Variants in TRAPPC12 observed in about 807,000 individuals in gnomAD.
TRAPPC12 encodes trafficking protein particle complex subunit 12.
A neutral mutation model predicts 69.2 loss-of-function variants in TRAPPC12; 61 were observed. The observed-to-expected ratio is 0.88, with a 90% CI of 0.72 to 1.09. TRAPPC12 has a LOEUF of 1.09. TRAPPC12 is among the 50% of genes least tolerant of loss of function. The probability of loss-of-function intolerance (pLI) is 0.00; values close to 1 mark genes in which losing one functional copy is unlikely to be tolerated. For missense variants in TRAPPC12, 1,101 were observed against 1,016.4 expected (o/e 1.08, Z -1.13); for synonymous variants, 469 against 438.9 (o/e 1.07, Z -0.86).
At chr2:3,413,595 A>G (rs1425252424) in intron 3 of TRAPPC12, among the ~76,000 whole-genome samples, 1 of 152,228 alleles carries the variant, frequency 6.6e-6, no homozygotes, top group African/African-American at 2.4e-5. Flanking sequence ...TTGAGGATAT[A>G]AGAAAGTTTT....
At chr2:3,435,072 G>T (rs1357552693) in intron 5 of TRAPPC12, among the ~76,000 whole-genome samples, 1 of 152,190 alleles carries the variant, frequency 6.6e-6, no homozygotes, top group East Asian at 1.9e-4. Flanking sequence ...GAGTGCAGTG[G>T]TGCGATCTCG....
chr2:3,382,857 C>T lies in TRAPPC12; in HGVS notation c.-5+2981C>T, dbSNP rs113417330. Among the ~76,000 whole-genome samples the T allele has an allele frequency of 5.9e-3, 902 of 152,266 alleles. 11 individuals are homozygous for T. Among genetic ancestry groups the T allele is most frequent in the African/African-American group, 0.021 (854 of 41,554 alleles). On this transcript the variant is annotated intron_variant, in intron 1 of 11. Coordinates refer to ENST00000324266, the MANE Select transcript of TRAPPC12 (RefSeq NM_016030.6). The stretch of plus-strand genomic sequence containing the variant: ...GAGGATGGGCTTGAGCCCAGAAGAT[C>T]GAGGCTGCAGTAAGCCATCATCGTC...
At chr2:3,443,711 A>G (rs1229923148) in intron 5 of TRAPPC12, 68 bp from the exon 6 acceptor site, 5 of 1,242,832 alleles carry the variant, frequency 4.0e-6, no homozygotes, top group Middle Eastern at 1.9e-4. Context: ...GCCTCCTTCA[A>G]GTGTGCCAAG....
chr2:3,415,013 C>G (rs565453307), intron 3 of TRAPPC12, among the ~76,000 whole-genome samples: 2 of 152,164 alleles, frequency 1.3e-5, no homozygotes, highest in Admixed American at 1.3e-4. Context: ...GAGGACCAAC[C>G]AAGGACTTGA....
rs1558340503 is a variant in TRAPPC12, at chr2:3,388,626, A to G, written c.1003A>G (p.Lys335Glu). The change falls in exon 2 of 12, where the codon AAG becomes GAG. Residue 335 changes from lysine to glutamate, a missense_variant. Physicochemically the swap from Lys to Glu is moderately conservative, Grantham distance 56 (BLOSUM62 1). Transcript: ENST00000324266. ...TQQRGAVFVD[K>E]ENLTMPGLRF... ...GCAGCGCGGCGCCGTGTTCGTGGAC[A>G]AGGAGAACCTCACCATGCCGGGCCT... The G allele has an allele frequency of 1.3e-6, 2 of 1,591,902 alleles. No homozygotes were observed. Among genetic ancestry groups the G allele is most frequent in the East Asian group, 2.3e-5 (1 of 43,752 alleles).
chr2:3,467,063 G>C (rs1483954232), intron 9 of TRAPPC12, among the ~76,000 whole-genome samples: 1 of 152,230 alleles, frequency 6.6e-6, no homozygotes, highest in Non-Finnish European at 1.5e-5. Flanking sequence ...TCTCCTTCCA[G>C]GGGGAGCCAC....
At chr2:3,421,599 C>G in intron 3 of TRAPPC12, 1 of 646,046 alleles carries the variant, frequency 1.5e-6, no homozygotes, top group Non-Finnish European at 3.0e-6. Flanking sequence ...AAAGCCTCTT[C>G]CCGATGTTCT....
intron 6 of TRAPPC12, among the ~76,000 whole-genome samples, chr2:3,452,928 A>C (rs1396570353): frequency 6.6e-6 from 1 of 152,234 alleles, no homozygotes; most frequent in Non-Finnish European, 1.5e-5. Flanking sequence ...CTTCAAGTAC[A>C]TTCTCATTGG....
chr2:3,383,979 T>C (rs1178384729), intron 1 of TRAPPC12, among the ~76,000 whole-genome samples: 1 of 139,772 alleles, frequency 7.2e-6, no homozygotes, highest in African/African-American at 2.6e-5. Context: ...CACTGCAACC[T>C]CCGCCTCCTG....
chr2:3,455,453 ATTTG>A (rs1196231076), intron 6 of TRAPPC12: 5 of 107,996 alleles, frequency 4.6e-5, no homozygotes, highest in Non-Finnish European at 9.9e-5. Flanking sequence ...ACTAGGTCTT[ATTTG>A]TTCTATTTTT....
At chr2:3,413,009 G>T (rs1662148175) in intron 3 of TRAPPC12, among the ~76,000 whole-genome samples, 1 of 152,162 alleles carries the variant, frequency 6.6e-6, no homozygotes, top group African/African-American at 2.4e-5. Context: ...AAAATAAATG[G>T]TGGTCTTTGC....
At chr2:3,413,905 G>A (rs1053758697) in intron 3 of TRAPPC12, among the ~76,000 whole-genome samples, 2 of 152,104 alleles carry the variant, frequency 1.3e-5, no homozygotes, top group Non-Finnish European at 2.9e-5. Flanking sequence ...GTTAGCTTAC[G>A]ATAGTACCCA....
At chr2:3,455,385 CTTAG>C (rs979882535) in intron 6 of TRAPPC12, 1 of 152,130 alleles carries the variant, frequency 6.6e-6, no homozygotes. Flanking sequence ...ATTATGCTCC[CTTAG>C]TTATTTTTTT....
At chr2:3,428,478 T>C (rs759202555) in intron 5 of TRAPPC12, among the ~76,000 whole-genome samples, 5 of 152,348 alleles carry the variant, frequency 3.3e-5, no homozygotes, top group African/African-American at 7.2e-5. Context: ...ATAAAAACTT[T>C]TATGAATGAG....
At chr2:3,385,963 A>G (rs1660470988) in intron 1 of TRAPPC12, among the ~76,000 whole-genome samples, 1 of 152,260 alleles carries the variant, frequency 6.6e-6, no homozygotes, top group South Asian at 2.1e-4. Context: ...CCGGTGAAAC[A>G]TGGCAGGAAA....
chr2:3,469,910 A>G (rs1309610112), intron 9 of TRAPPC12, among the ~76,000 whole-genome samples: 1 of 152,206 alleles, frequency 6.6e-6, no homozygotes, highest in African/African-American at 2.4e-5. Context: ...CGCGTGGAAT[A>G]AGATTGATTT....
At chr2:3,453,187 G>T (rs1456177975) in intron 6 of TRAPPC12, among the ~76,000 whole-genome samples, 2 of 152,178 alleles carry the variant, frequency 1.3e-5, no homozygotes, top group African/African-American at 4.8e-5. Flanking sequence ...ACAGAATACT[G>T]TTTGTGCTTA....
At chr2:3,464,917 C>T (rs545438204) in intron 8 of TRAPPC12, among the ~76,000 whole-genome samples, 9 of 152,338 alleles carry the variant, frequency 5.9e-5, no homozygotes, top group Non-Finnish European at 8.8e-5. Context: ...CAGGGCAGAG[C>T]GATGAGGAAT....
At chr2:3,462,213 C>G (rs7589690) in intron 8 of TRAPPC12, among the ~76,000 whole-genome samples, 4,079 of 152,304 alleles carry the variant, frequency 0.027, 172 homozygotes, top group African/African-American at 0.092. Flanking sequence ...CTTTGTGGCA[C>G]TGTGGTAGTA....
Sources: gnomAD v4.1 joint callset for allele counts (sites outside exome capture counted in the v4.1 genomes callset) on GRCh38, gnomAD v4.1.1 for gene constraint, MANE v1.5 for transcripts, NCBI Gene and HGNC (gene_info 2026-07-23, HGNC 2026-07-21) for gene names.